Variants in PLEKHA3 observed in about 807,000 individuals in gnomAD.
PLEKHA3 encodes the protein pleckstrin homology domain containing A3.
Under a neutral mutation model 39.2 loss-of-function variants are expected in PLEKHA3, and 19 were observed. That is an observed-to-expected ratio of 0.48 (90% CI 0.34 to 0.71). The LOEUF is 0.71. Ranked by LOEUF, PLEKHA3 falls within the 30% of genes least tolerant of loss-of-function variation. The pLI, the probability that PLEKHA3 is intolerant of heterozygous loss-of-function variation, is 0.01. For missense variants in PLEKHA3, 253 were observed against 359.5 expected (o/e 0.70, Z 2.40); for synonymous variants, 97 against 118.6 (o/e 0.82, Z 1.18).
At chr2:178,502,839 G>A (rs558161851) in intron 7 of PLEKHA3, among the ~76,000 whole-genome samples, 2 of 151,268 alleles carry the variant, frequency 1.3e-5, no homozygotes, top group African/African-American at 4.8e-5. Flanking sequence ...CATACATATA[G>A]TTCACTTCTC....
At chr2:178,490,543 A>T in intron 2 of PLEKHA3, 116 bp from the exon 3 acceptor site, 1 of 1,063,358 alleles carries the variant, frequency 9.4e-7, no homozygotes, top group Non-Finnish European at 1.3e-6. Context: ...ATCATGAATG[A>T]TAGTTCAATG....
At chr2:178,483,510 C>T (rs768399345) in intron 1 of PLEKHA3, among the ~76,000 whole-genome samples, 4 of 152,244 alleles carry the variant, frequency 2.6e-5, no homozygotes, top group East Asian at 1.9e-4. Context: ...TTCAACCACT[C>T]ACCTTTCACG....
At chr2:178,481,098 G>T (rs1255532591) in intron 1 of PLEKHA3, among the ~76,000 whole-genome samples, 189 bp downstream of exon 1, 1 of 152,128 alleles carries the variant, frequency 6.6e-6, no homozygotes, top group Non-Finnish European at 1.5e-5. Flanking sequence ...CCTTCTAGAG[G>T]GTGGGAAGTG....
At position 178,515,781 on chromosome 2, in the gene PLEKHA3, A is replaced by T. The variant is rs1326982199; in HGVS notation, c.*11894A>T. The stretch of plus-strand genomic sequence containing the variant: ...TTTATTATTTAATATCTTAGATACA[A>T]TGACTATCTTAATTATAATTGGCTT... On this transcript the variant is annotated 3_prime_UTR_variant, in exon 8 of 8. Transcript: ENST00000234453. 2.0e-5 allele frequency: 3 copies of T among 152,098 alleles called. No homozygotes were observed. Among genetic ancestry groups the T allele is most frequent in the Non-Finnish European group, 4.4e-5 (3 of 67,982 alleles). The allele number at this position is 152,098 out of a possible 1,614,324, so 9.4% of individuals were successfully genotyped here.
Position 178,515,203 on chromosome 2 carries a change from C to A in PLEKHA3, c.*11316C>A, listed in dbSNP as rs1685744911. 6.7e-6 allele frequency: 1 copy of A among 150,148 alleles called. No individual in the cohort carries two copies. 9.3% of individuals were successfully genotyped at this position (150,148 alleles called of 1,614,324 possible). ...AGATGATGTTTTTAATAGTTCAAGT[C>A]CATTAGTGTCTTACTCTAGAGAAAA... On this transcript the variant is annotated 3_prime_UTR_variant, in exon 8 of 8. Coordinates refer to ENST00000234453, the MANE Select transcript of PLEKHA3 (RefSeq NM_019091.4).
intron 5 of PLEKHA3, among the ~76,000 whole-genome samples, chr2:178,497,270 G>A (rs375145166): frequency 1.3e-5 from 2 of 151,154 alleles, no homozygotes; most frequent in East Asian, 2.0e-4. Context: ...TTGCTCTGTC[G>A]CCCAGGCTGG....
Position 178,480,682 on chromosome 2 carries a change from C to T in PLEKHA3, c.-188C>T. 1 of 384,042 alleles carries T rather than the reference C, an allele frequency of 2.6e-6. No homozygotes were observed. 23.8% of individuals were successfully genotyped at this position (384,042 alleles called of 1,614,324 possible). Reference sequence around the variant, plus strand: ...GCCCGCGCCTCGCGGCCCCCAAGCTCCACGCTGCGCCCGCTGTCCCGGCCT... The same window carrying T: ...GCCCGCGCCTCGCGGCCCCCAAGCTTCACGCTGCGCCCGCTGTCCCGGCCT... On this transcript the variant is annotated 5_prime_UTR_variant, in exon 1 of 8. Transcript: ENST00000234453.
In PLEKHA3 at chr2:178,508,050, G is replaced by GGT. The variant is rs71023446; in HGVS notation, c.*4201_*4202dup. On this transcript the variant is annotated 3_prime_UTR_variant, in exon 8 of 8. Coordinates refer to ENST00000234453, the MANE Select transcript of PLEKHA3 (RefSeq NM_019091.4). ...TAGAGATTTGTCTGCTTCAGTTCTG[G>GGT]GTGTGTGTGTGTGTGTGTGTGTGTG... is the stretch of plus-strand genomic sequence containing the variant. 0.1 allele frequency: 14,415 copies of GGT among 142,302 alleles called. 816 individuals carry two copies. The highest frequency in any genetic ancestry group is 0.13 in the Non-Finnish European group (8,585 of 64,130). 8.8% of individuals were successfully genotyped at this position (142,302 alleles called of 1,614,324 possible).
At chr2:178,503,393 G>A (rs1409592529) in intron 7 of PLEKHA3, among the ~76,000 whole-genome samples, 2 of 151,806 alleles carry the variant, frequency 1.3e-5, no homozygotes, top group Non-Finnish European at 2.9e-5. Flanking sequence ...GGAACAAGGA[G>A]GATATTAACA....
intron 2 of PLEKHA3, among the ~76,000 whole-genome samples, chr2:178,490,196 G>A (rs1169299578): frequency 6.6e-6 from 1 of 152,170 alleles, no homozygotes; most frequent in East Asian, 1.9e-4. Flanking sequence ...CCATAATTAA[G>A]GGCATATCAT....
rs1427797905 is a variant in PLEKHA3, at chr2:178,506,260, G to T, written c.*2373G>T. 6.6e-6 allele frequency: 1 copy of T among 152,098 alleles called. No homozygotes were observed. Among genetic ancestry groups the T allele is most frequent in the Non-Finnish European group, 1.5e-5 (1 of 68,000 alleles). 9.4% of individuals were successfully genotyped at this position (152,098 alleles called of 1,614,324 possible). ...TGAAAAGTTATTGAGAAATTTGGAG[G>T]TTCTCTTGGCAGCCTATCAGTGATC... is the stretch of plus-strand genomic sequence containing the variant. On this transcript the variant is annotated 3_prime_UTR_variant, in exon 8 of 8. Coordinates refer to ENST00000234453, the MANE Select transcript of PLEKHA3 (RefSeq NM_019091.4).
At chr2:178,494,434 G>C (rs1685406637) in intron 4 of PLEKHA3, among the ~76,000 whole-genome samples, 1 of 152,220 alleles carries the variant, frequency 6.6e-6, no homozygotes, top group African/African-American at 2.4e-5. Flanking sequence ...ACTCAGATTA[G>C]TAGGATCGGG....
intron 1 of PLEKHA3, among the ~76,000 whole-genome samples, chr2:178,482,840 C>G (rs1398447612): frequency 6.6e-6 from 1 of 152,072 alleles, no homozygotes; most frequent in Non-Finnish European, 1.5e-5. Flanking sequence ...GAAAAGAAAT[C>G]TTTTGTTTGG....
Position 178,513,787 on chromosome 2 carries a change from A to C in PLEKHA3, c.*9900A>C, listed in dbSNP as rs1685721279. ...GACAACAATCAAAAGTATGGCCTAC[A>C]GATAGTAAGGGTTAACCACCCAGAT... On this transcript the variant is annotated 3_prime_UTR_variant, in exon 8 of 8. Transcript: ENST00000234453. 6.6e-6 allele frequency: 1 copy of C among 152,028 alleles called. No individual in the cohort carries two copies. Among genetic ancestry groups the C allele is most frequent in the East Asian group, 1.9e-4 (1 of 5,196 alleles). The allele number at this position is 152,028 out of a possible 1,614,324, so 9.4% of individuals were successfully genotyped here. A position where few individuals can be genotyped will look rare whatever the true frequency, so the allele number is the denominator to read the frequency against.
rs1443712454 is a variant in PLEKHA3 at position 178,505,560 on chromosome 2, T to G, written c.*1673T>G. The G allele has an allele frequency of 2.0e-5, 3 of 151,480 alleles. No individual in the cohort carries two copies. The highest frequency in any genetic ancestry group is 4.4e-5 in the Non-Finnish European group (3 of 67,748). 9.4% of individuals were successfully genotyped at this position (151,480 alleles called of 1,614,324 possible). A position where few individuals can be genotyped will look rare whatever the true frequency, so the allele number is the denominator to read the frequency against. On this transcript the variant is annotated 3_prime_UTR_variant, in exon 8 of 8. Coordinates refer to ENST00000234453, the MANE Select transcript of PLEKHA3 (RefSeq NM_019091.4). The stretch of plus-strand genomic sequence containing the variant: ...GCAGGTAATCAGGTTTTTCTTGTTT[T>G]TTTTTTTTTTTTAAATTTTGTAGTA...
Position 178,490,766 on chromosome 2 carries a change from G to A in PLEKHA3, c.265G>A (p.Gly89Arg). Residue 89 changes from glycine to arginine, a missense_variant, in exon 3 of 8, where the codon GGG becomes AGG. Transcript: ENST00000234453. Reference protein sequence around the residue: ...AERQRWLVALGSSKACLTDTR... With the variant: ...AERQRWLVALRSSKACLTDTR... ...AAGACAGAGGTGGCTGGTCGCTCTGGGGAGCTCCAAAGCATGTTTGACTGA... is the reference window on the plus strand; with the variant it reads ...AAGACAGAGGTGGCTGGTCGCTCTGAGGAGCTCCAAAGCATGTTTGACTGA... 6.2e-7 allele frequency: 1 copy of A among 1,613,950 alleles called. No homozygotes were observed. The highest frequency in any genetic ancestry group is 8.5e-7 in the Non-Finnish European group (1 of 1,179,924).
In PLEKHA3 at chr2:178,510,863, T is replaced by C. The variant is rs992573641; in HGVS notation, c.*6976T>C. The C allele has an allele frequency of 6.6e-6, 1 of 152,248 alleles. No homozygotes were observed. Among genetic ancestry groups the C allele is most frequent in the Non-Finnish European group, 1.5e-5 (1 of 68,038 alleles). The allele number at this position is 152,248 out of a possible 1,614,324, so 9.4% of individuals were successfully genotyped here. On this transcript the variant is annotated 3_prime_UTR_variant, in exon 8 of 8. Coordinates refer to ENST00000234453, the MANE Select transcript of PLEKHA3 (RefSeq NM_019091.4). ...TTCATAGGTAAAATTTTAATCTATTTTCTAATCAAAGTGTTTTGGGGAACA... is the reference window on the plus strand; with the variant it reads ...TTCATAGGTAAAATTTTAATCTATTCTCTAATCAAAGTGTTTTGGGGAACA...
In PLEKHA3 at chr2:178,493,938, A is replaced by T. The variant is rs2303536; in HGVS notation, c.399A>T (p.Thr133=). ...ACCTCTTAATGCAGCAAGTTCATAC[A>T]ATACAGGAATTTGTTCACCATGATG... The part of the protein sequence containing the change: ...YCDLLMQQVH[T]IQEFVHHDEN... The change falls in exon 4 of 8, where the codon ACA becomes ACT. Residue 133 remains threonine, a synonymous_variant. Transcript: ENST00000234453. 6.2e-7 allele frequency: 1 copy of T among 1,613,826 alleles called. No homozygotes were observed.
At position 178,509,733 on chromosome 2, in the gene PLEKHA3, CT is replaced by C. The variant is rs1685655069; in HGVS notation, c.*5849del. On this transcript the variant is annotated 3_prime_UTR_variant, in exon 8 of 8. Transcript: ENST00000234453. ...GGCTCAAGGGATCTGCCTGCCTTGA[CT>C]TTCCAAAATTCTCGGATTACAGGCA... The C allele has an allele frequency of 6.6e-6, 1 of 152,264 alleles. No homozygotes were observed. Among genetic ancestry groups the C allele is most frequent in the African/African-American group, 2.4e-5 (1 of 41,414 alleles). The allele number at this position is 152,264 out of a possible 1,614,324, so 9.4% of individuals were successfully genotyped here. A position where few individuals can be genotyped will look rare whatever the true frequency, so the allele number is the denominator to read the frequency against.
Sources: gnomAD v4.1 joint callset for allele counts (sites outside exome capture counted in the v4.1 genomes callset) on GRCh38, gnomAD v4.1.1 for gene constraint, MANE v1.5 for transcripts, NCBI Gene and HGNC (gene_info 2026-07-23, HGNC 2026-07-21) for gene names.